PPP4R4: variants seen among roughly 807,000 people sequenced by gnomAD.
PPP4R4 encodes the protein protein phosphatase 4 regulatory subunit 4.
PPP4R4 carries 70 observed loss-of-function variants against 121.8 expected under a neutral mutation model. The observed-to-expected ratio is 0.57, with a 90% CI of 0.47 to 0.70. The LOEUF is 0.70. Ranked by LOEUF, PPP4R4 falls within the 30% of genes least tolerant of loss-of-function variation. The pLI is 0.00. For missense variants in PPP4R4, 875 were observed against 1,033.6 expected, an observed-to-expected ratio of 0.85 and a Z score of 2.10; for synonymous variants, 348 against 355.7, an observed-to-expected ratio of 0.98 and a Z score of 0.24.
intron 2 of PPP4R4, among the ~76,000 whole-genome samples, chr14:94,196,750 C>T (rs955954382): frequency 2.0e-5 from 3 of 151,770 alleles, no homozygotes; most frequent in African/African-American, 2.4e-5. Context: ...TTCCTGAGTT[C>T]TATCACTTCA....
chr14:94,208,688 G>A, intron 3 of PPP4R4, 122 bp downstream of exon 3: 1 of 603,824 alleles, frequency 1.7e-6, no homozygotes, highest in Non-Finnish European at 2.8e-6. Context: ...AGTGGAGGAA[G>A]TGTTATTATA....
chr14:94,270,196 A>G (rs1280488402), intron 23 of PPP4R4, among the ~76,000 whole-genome samples: 2 of 152,242 alleles, frequency 1.3e-5, no homozygotes, highest in African/African-American at 4.8e-5. Context: ...TGCTAGAGAT[A>G]CATAAAAAAC....
intron 11 of PPP4R4, 46 bp downstream of exon 11, chr14:94,242,454 A>G: frequency 6.5e-7 from 1 of 1,540,204 alleles, no homozygotes; most frequent in South Asian, 1.1e-5. Context: ...TGTTAATTCT[A>G]CCTATGTATA....
Position 94,231,319 on chromosome 14 carries a change from A to G in PPP4R4, c.516+4A>G. The G allele has an allele frequency of 6.2e-7, 1 of 1,600,118 alleles. No individual in the cohort carries two copies. The highest frequency in any genetic ancestry group is 8.6e-7 in the Non-Finnish European group (1 of 1,168,382). ...AAAAGAAACCCTACGGCATGAGGTA[A>G]TACTTTCATGGGGGCAAATACTAAT... On this transcript the variant is annotated splice_donor_region_variant and intron_variant, in intron 5 of 24. Coordinates refer to ENST00000304338, the MANE Select transcript of PPP4R4 (RefSeq NM_058237.2).
intron 17 of PPP4R4, among the ~76,000 whole-genome samples, chr14:94,258,264 T>C (rs767722235): frequency 1.4e-4 from 22 of 152,164 alleles, no homozygotes; most frequent in Non-Finnish European, 2.5e-4. Context: ...CTGGGTTAGA[T>C]TGACCATTGT....
At chr14:94,252,586 T>C (rs927030863) in intron 16 of PPP4R4, among the ~76,000 whole-genome samples, 3 of 152,174 alleles carry the variant, frequency 2.0e-5, no homozygotes, top group African/African-American at 7.2e-5. Flanking sequence ...TTAAAGTACA[T>C]GCACATTATT....
At chr14:94,212,607 A>G (rs1890801027) in intron 3 of PPP4R4, among the ~76,000 whole-genome samples, 1 of 152,152 alleles carries the variant, frequency 6.6e-6, no homozygotes, top group Admixed American at 6.5e-5. Flanking sequence ...CCATATATTC[A>G]TGTTACATGA....
intron 6 of PPP4R4, among the ~76,000 whole-genome samples, chr14:94,234,172 G>A (rs1375621954): frequency 1.3e-5 from 2 of 152,124 alleles, no homozygotes; most frequent in African/African-American, 2.4e-5. Context: ...TAATTCATGT[G>A]CTACTTCTTG....
At chr14:94,213,610 A>T (rs937729064) in intron 3 of PPP4R4, among the ~76,000 whole-genome samples, 2 of 152,196 alleles carry the variant, frequency 1.3e-5, no homozygotes, top group Non-Finnish European at 1.5e-5. Flanking sequence ...ATGTGTCCTT[A>T]TAAGAAGGCA....
At chr14:94,223,854 T>C (rs187198282) in intron 3 of PPP4R4, among the ~76,000 whole-genome samples, 134 of 151,978 alleles carry the variant, frequency 8.8e-4, no homozygotes, top group Non-Finnish European at 1.6e-3. Context: ...CTGCATAGGT[T>C]CTCTGTGCAC....
At chr14:94,180,627 T>C (rs1888925240) in intron 2 of PPP4R4, among the ~76,000 whole-genome samples, 1 of 150,874 alleles carries the variant, frequency 6.6e-6, no homozygotes, top group Non-Finnish European at 1.5e-5. Flanking sequence ...TTTTCTTTTT[T>C]AAAGACAGGG....
chr14:94,208,704 T>C (rs1890590878), intron 3 of PPP4R4, 138 bp downstream of exon 3: 5 of 493,236 alleles, frequency 1.0e-5, no homozygotes, highest in Middle Eastern at 2.9e-4. Context: ...TTATATACAT[T>C]TTGAATTATA....
At chr14:94,229,160 G>A (rs966607021) in intron 3 of PPP4R4, among the ~76,000 whole-genome samples, 14 of 152,180 alleles carry the variant, frequency 9.2e-5, no homozygotes, top group African/African-American at 3.4e-4. Flanking sequence ...ACAGTATAGA[G>A]AATGGATAGT....
At chr14:94,185,213 G>C (rs560981806) in intron 2 of PPP4R4, among the ~76,000 whole-genome samples, 4 of 152,244 alleles carry the variant, frequency 2.6e-5, no homozygotes, top group Non-Finnish European at 5.9e-5. Context: ...TGTAAAATGG[G>C]AATAAATAGG....
chr14:94,229,508 C>T lies in PPP4R4; in HGVS notation c.295-1079C>T, dbSNP rs569118997. ...AGCAACTGAGATTCCAACTAGATAT[C>T]CAAAGGTAACATAGACAGAAGACAG... On this transcript the variant is annotated intron_variant, in intron 3 of 24. Coordinates refer to ENST00000304338, the MANE Select transcript of PPP4R4 (RefSeq NM_058237.2). Among the ~76,000 whole-genome samples the T allele has an allele frequency of 3.3e-5, 5 of 152,120 alleles. No homozygotes were observed. The South Asian group carries it at 1.0e-3, about 32-fold the overall frequency.
chr14:94,264,848 C>A, intron 19 of PPP4R4, 30 bp from the exon 20 acceptor site: 1 of 1,520,430 alleles, frequency 6.6e-7, no homozygotes. Context: ...TCAGTTGTAC[C>A]TTTAATGCAA....
chr14:94,227,316 A>T (rs1390899172), intron 3 of PPP4R4: 1 of 1,612,470 alleles, frequency 6.2e-7, no homozygotes, highest in African/African-American at 1.3e-5. Context: ...ATTTATCCAG[A>T]GAGTATGGAT....
chr14:94,182,134 T>C (rs1249724972), intron 2 of PPP4R4, among the ~76,000 whole-genome samples: 5 of 152,238 alleles, frequency 3.3e-5, no homozygotes, highest in African/African-American at 1.2e-4. Flanking sequence ...TGCTTCATTC[T>C]TGATATTCCT....
At chr14:94,235,497 T>A (rs1398681761) in intron 7 of PPP4R4, among the ~76,000 whole-genome samples, 7 of 148,292 alleles carry the variant, frequency 4.7e-5, no homozygotes, top group African/African-American at 7.5e-5. Context: ...CCTCCCAGGT[T>A]CATGCCATTC....
Sources: gnomAD v4.1 joint callset for allele counts (sites outside exome capture counted in the v4.1 genomes callset) on GRCh38, gnomAD v4.1.1 for gene constraint, MANE v1.5 for transcripts, NCBI Gene and HGNC (gene_info 2026-07-23, HGNC 2026-07-21) for gene names.